Variants in ARHGEF7 observed in about 807,000 individuals in gnomAD.
The protein encoded by ARHGEF7 is Rho guanine nucleotide exchange factor 7, also known as PAK-interacting exchange factor beta.
Under a neutral mutation model 109.8 loss-of-function variants are expected in ARHGEF7, and 33 were observed. The ratio of observed to expected loss-of-function variants is 0.30; its 90% CI spans 0.23 to 0.40. ARHGEF7 has a LOEUF of 0.40. ARHGEF7 is among the 10% of genes least tolerant of loss of function. ARHGEF7 has a pLI of 1.00. For missense variants in ARHGEF7, 938 were observed against 1,098.5 expected, an observed-to-expected ratio of 0.85 and a Z score of 2.07; for synonymous variants, 458 against 424.6, an observed-to-expected ratio of 1.08 and a Z score of -0.97.
chr13:111,192,377 CTT>C (rs2079995939), intron 2 of ARHGEF7, among the ~76,000 whole-genome samples: 1 of 152,288 alleles, frequency 6.6e-6, no homozygotes, highest in South Asian at 2.1e-4. Context: ...ACTCTGTTCC[CTT>C]TTCTCTGTGA....
intron 11 of ARHGEF7, 47 bp from the exon 12 acceptor site, chr13:111,275,485 A>G (rs1272025136): frequency 6.2e-7 from 1 of 1,603,926 alleles, no homozygotes; most frequent in African/African-American, 1.3e-5. Flanking sequence ...GGAACTTAAC[A>G]TTCTGAAAGT....
chr13:111,271,379 G>A (rs2092132598), intron 9 of ARHGEF7, among the ~76,000 whole-genome samples: 1 of 152,210 alleles, frequency 6.6e-6, no homozygotes, highest in African/African-American at 2.4e-5. Flanking sequence ...AGAAGGCAGA[G>A]GACGTGTGCG....
At chr13:111,271,733 C>T (rs775618260) in intron 9 of ARHGEF7, among the ~76,000 whole-genome samples, 1 of 152,206 alleles carries the variant, frequency 6.6e-6, no homozygotes, top group African/African-American at 2.4e-5. Flanking sequence ...AGCATCAACA[C>T]GATGGGCAGC....
Position 111,258,321 on chromosome 13 carries a change from C to T in ARHGEF7, c.951-9227C>T, listed in dbSNP as rs2090683363. Among the ~76,000 whole-genome samples the T allele has an allele frequency of 6.6e-6, 1 of 152,238 alleles. No individual in the cohort carries two copies. On this transcript the variant is annotated intron_variant, in intron 8 of 21. Transcript: ENST00000646102. The surrounding 1 kb of genome is among the most constrained non-coding windows in gnomAD (Gnocchi z 4.4). The stretch of plus-strand genomic sequence containing the variant: ...ACTCCTCCCACAACCACAGGCAGTG[C>T]AGCCTGCACCTCCAGGAGAGACTCC...
At chr13:111,192,826 C>T (rs1265929360) in intron 2 of ARHGEF7, among the ~76,000 whole-genome samples, 3 of 152,206 alleles carry the variant, frequency 2.0e-5, no homozygotes, top group African/African-American at 7.2e-5. Flanking sequence ...TTAATCACTT[C>T]CTGAGCCTTC....
At chr13:111,269,045 A>G (rs185152459) in intron 9 of ARHGEF7, among the ~76,000 whole-genome samples, 56 of 152,344 alleles carry the variant, frequency 3.7e-4, no homozygotes, top group Non-Finnish European at 1.3e-4. Flanking sequence ...CAGTGGCAGA[A>G]AAGGAAAACC....
intron 8 of ARHGEF7, among the ~76,000 whole-genome samples, chr13:111,245,511 T>G (rs917300154): frequency 4.6e-5 from 7 of 152,198 alleles, no homozygotes; most frequent in African/African-American, 1.7e-4. Flanking sequence ...GCCGATCAAC[T>G]GTAGAACAGT....
chr13:111,242,545 T>G (rs1238883901), intron 6 of ARHGEF7, among the ~76,000 whole-genome samples: 4 of 152,224 alleles, frequency 2.6e-5, no homozygotes, highest in African/African-American at 9.6e-5. Context: ...ATGTACTAGA[T>G]GCGCAGAAAA....
chr13:111,134,362 T>G (rs532019619), intron 1 of ARHGEF7, among the ~76,000 whole-genome samples: 22 of 151,088 alleles, frequency 1.5e-4, no homozygotes, highest in African/African-American at 5.1e-4. Context: ...CCTGAGGAAT[T>G]GCCACACTGT....
chr13:111,258,746 C>T lies in ARHGEF7; in HGVS notation c.951-8802C>T, dbSNP rs1188774296. On this transcript the variant is annotated intron_variant, in intron 8 of 21. Coordinates refer to ENST00000646102, the MANE Select transcript of ARHGEF7 (RefSeq NM_001354046.2). The surrounding 1 kb of genome is among the most constrained non-coding windows in gnomAD (Gnocchi z 4.4). ...TGCAGCGTAGGTATCTGCCCAGCCA[C>T]AGTGAGGTGGAACATCAAGTGGGCT... Among the ~76,000 whole-genome samples the T allele has an allele frequency of 6.6e-6, 1 of 152,112 alleles. No individual in the cohort carries two copies. Among genetic ancestry groups the T allele is most frequent in the African/African-American group, 2.4e-5 (1 of 41,424 alleles).
chr13:111,187,522 G>A lies in ARHGEF7; in HGVS notation c.253-17767G>A, dbSNP rs779238272. On this transcript the variant is annotated intron_variant, in intron 2 of 21. Transcript: ENST00000646102. ...TTCCTTTTTTTGTTTAAGCCAATTT[G>A]AGTTGGGTTTACTTGCTTGTAGTGG... Among the ~76,000 whole-genome samples, 5 of 152,198 alleles carry A rather than the reference G, an allele frequency of 3.3e-5. No homozygotes were observed. In the South Asian group the frequency reaches 1.0e-3, roughly 31 times the overall value.
At chr13:111,251,205 A>G (rs2089717524) in intron 8 of ARHGEF7, among the ~76,000 whole-genome samples, 1 of 152,218 alleles carries the variant, frequency 6.6e-6, no homozygotes, top group Non-Finnish European at 1.5e-5. Flanking sequence ...ATGGGTAACA[A>G]AAGACACTTC....
chr13:111,145,133 A>G lies in ARHGEF7; in HGVS notation c.166-8772A>G, dbSNP rs912128466. Among the ~76,000 whole-genome samples, 1 of 152,144 alleles carries G rather than the reference A, an allele frequency of 6.6e-6. No individual in the cohort carries two copies. Among genetic ancestry groups the G allele is most frequent in the Non-Finnish European group, 1.5e-5 (1 of 68,036 alleles). ...CTTGGAGATTGTGACATATCAGGAT[A>G]TAAAGCTGCCCCTTTTTTAAAGGCT... On this transcript the variant is annotated intron_variant, in intron 1 of 21. Transcript: ENST00000646102. This position sits in a 1 kb window ranked among gnomAD's most constrained non-coding sequence, Gnocchi z 4.3.
At chr13:111,285,211 A>G (rs2092967905) in intron 16 of ARHGEF7, among the ~76,000 whole-genome samples, 1 of 147,062 alleles carries the variant, frequency 6.8e-6, no homozygotes, top group Non-Finnish European at 1.5e-5. Flanking sequence ...TGTCATTTCC[A>G]TGGTCATGTC....
At chr13:111,153,549 G>T in intron 1 of ARHGEF7, 2 of 926,244 alleles carry the variant, frequency 2.2e-6, no homozygotes, top group Admixed American at 5.9e-5. Context: ...GTGGCAGCTC[G>T]CCGGCAAAGC....
At chr13:111,283,012 G>A in intron 15 of ARHGEF7, 127 bp from the exon 16 acceptor site, 2 of 1,239,182 alleles carry the variant, frequency 1.6e-6, no homozygotes, top group Non-Finnish European at 2.2e-6. Context: ...CGAATGAAAT[G>A]ATAAATCCTG....
chr13:111,270,213 A>AT (rs969208889), intron 9 of ARHGEF7, among the ~76,000 whole-genome samples: 2 of 152,136 alleles, frequency 1.3e-5, no homozygotes, highest in South Asian at 2.1e-4. Flanking sequence ...TTTGAAAATG[A>AT]TTTTTTTCCC....
intron 8 of ARHGEF7, among the ~76,000 whole-genome samples, chr13:111,257,171 C>T (rs559613060): frequency 6.6e-6 from 1 of 152,186 alleles, no homozygotes; most frequent in Non-Finnish European, 1.5e-5. Flanking sequence ...CTTACTATTC[C>T]CTTTGTTTGG....
chr13:111,203,983 A>G (rs2081475480), intron 2 of ARHGEF7, among the ~76,000 whole-genome samples: 1 of 152,162 alleles, frequency 6.6e-6, no homozygotes, highest in South Asian at 2.1e-4. Context: ...GAGATGTACA[A>G]TCTGCCACTG....
Sources: gnomAD v4.1 joint callset for allele counts (sites outside exome capture counted in the v4.1 genomes callset) on GRCh38, gnomAD v4.1.1 for gene constraint, Gnocchi (gnomAD v3.1) non-coding constraint, MANE v1.5 for transcripts, NCBI Gene and HGNC (gene_info 2026-07-23, HGNC 2026-07-21) for gene names.